Variants in FHIT observed in about 807,000 individuals in gnomAD.
FHIT encodes fragile histidine triad diadenosine triphosphatase.
In FHIT, 19 loss-of-function variants were observed where a neutral mutation model predicts 17.9. That is an observed-to-expected ratio of 1.06 (90% CI 0.74 to 1.56). The LOEUF (loss-of-function observed/expected upper bound fraction) is 1.56. Ranked by LOEUF, FHIT falls within the 40% of genes most tolerant of loss-of-function variation. The pLI, the probability that FHIT is intolerant of heterozygous loss-of-function variation, is 0.00. For synonymous variants in FHIT, 81 were observed against 69.7 expected (o/e 1.16, Z -0.81); for missense variants, 248 against 189.2 (o/e 1.31, Z -1.82).
chr3:60,512,768 G>C (rs2034998735), intron 5 of FHIT, among the ~76,000 whole-genome samples: 1 of 152,066 alleles, frequency 6.6e-6, no homozygotes, highest in Admixed American at 6.5e-5. Context: ...ACAATGAGAT[G>C]GATCAAGATA....
intron 8 of FHIT, among the ~76,000 whole-genome samples, chr3:59,891,669 C>A (rs1703861218): frequency 6.6e-6 from 1 of 152,168 alleles, no homozygotes; most frequent in South Asian, 2.1e-4. Flanking sequence ...CAGCAGCAGG[C>A]ATACATAGGA....
chr3:60,283,351 T>A (rs1707558110), intron 5 of FHIT, among the ~76,000 whole-genome samples: 1 of 152,102 alleles, frequency 6.6e-6, no homozygotes, highest in Non-Finnish European at 1.5e-5. Context: ...CAAAATCATA[T>A]AATATATATT....
intron 5 of FHIT, among the ~76,000 whole-genome samples, chr3:60,049,115 T>C (rs1575975091): frequency 6.6e-6 from 1 of 152,308 alleles, no homozygotes; most frequent in South Asian, 2.1e-4. Flanking sequence ...TTCCCTAATA[T>C]TTTCCTGTAC....
chr3:60,637,541 A>G (rs1553684251), intron 4 of FHIT, among the ~76,000 whole-genome samples: 1 of 152,142 alleles, frequency 6.6e-6, no homozygotes, highest in Non-Finnish European at 1.5e-5. Context: ...TACCATCACT[A>G]CTACCATTAT....
intron 7 of FHIT, among the ~76,000 whole-genome samples, chr3:59,935,276 C>A (rs576717292): frequency 1.3e-5 from 2 of 152,190 alleles, no homozygotes; most frequent in Non-Finnish European, 2.9e-5. Flanking sequence ...TTGTGCTTCT[C>A]AGCTGTTGTT....
rs116632917 is a variant in FHIT at position 60,879,302 on chromosome 3, T to C, written c.-110-57291A>G. ...GTCATTCAGGCATCCACAGTTACTG[T>C]TGACACTGAATGCAGCTGAAGAAAC... is the stretch of plus-strand genomic sequence containing the variant. On this transcript the variant is annotated intron_variant, in intron 3 of 9. Coordinates refer to ENST00000492590, the MANE Select transcript of FHIT (RefSeq NM_002012.4). Among the ~76,000 whole-genome samples the C allele has an allele frequency of 4.3e-3, 655 of 152,260 alleles. 6 individuals are homozygous for C. Among genetic ancestry groups the C allele is most frequent in the African/African-American group, 0.015 (607 of 41,546 alleles).
intron 5 of FHIT, among the ~76,000 whole-genome samples, chr3:60,303,713 G>A (rs1237075020): frequency 6.6e-6 from 1 of 152,162 alleles, no homozygotes; most frequent in Non-Finnish European, 1.5e-5. Context: ...CCTTGGAGGT[G>A]AGCTGTCCTG....
At chr3:59,876,339 T>C (rs1703157993) in intron 8 of FHIT, among the ~76,000 whole-genome samples, 1 of 152,244 alleles carries the variant, frequency 6.6e-6, no homozygotes, top group Admixed American at 6.5e-5. Flanking sequence ...TCTTCTAGTA[T>C]GGATTTTTGG....
At chr3:60,985,696 T>C (rs1559887937) in intron 3 of FHIT, among the ~76,000 whole-genome samples, 1 of 152,246 alleles carries the variant, frequency 6.6e-6, no homozygotes, top group South Asian at 2.1e-4. Context: ...TGGATAAATG[T>C]AAATTATGGC....
At chr3:60,139,483 C>T (rs1699945421) in intron 5 of FHIT, among the ~76,000 whole-genome samples, 2 of 152,150 alleles carry the variant, frequency 1.3e-5, no homozygotes, top group East Asian at 1.9e-4. Flanking sequence ...AAAAGTCTAT[C>T]ACCCCAGCTT....
At chr3:59,847,570 G>A (rs770698215) in intron 8 of FHIT, among the ~76,000 whole-genome samples, 1 of 151,960 alleles carries the variant, frequency 6.6e-6, no homozygotes, top group Non-Finnish European at 1.5e-5. Context: ...TCCATCATTA[G>A]GTCTTTTCAG....
At chr3:59,967,867 T>C (rs680467) in intron 7 of FHIT, among the ~76,000 whole-genome samples, 1 of 152,194 alleles carries the variant, frequency 6.6e-6, no homozygotes, top group Admixed American at 6.6e-5. Flanking sequence ...AAGAAGAAAG[T>C]CTAAGAAACA....
chr3:59,797,189 AT>A (rs201641033), intron 8 of FHIT, among the ~76,000 whole-genome samples: 2,331 of 145,002 alleles, frequency 0.016, 31 homozygotes, highest in African/African-American at 0.031. Context: ...TGATATTACA[AT>A]TTTTTTTTTT....
At chr3:61,182,060 A>G (rs1389104457) in intron 2 of FHIT, among the ~76,000 whole-genome samples, 1 of 152,170 alleles carries the variant, frequency 6.6e-6, no homozygotes, top group Non-Finnish European at 1.5e-5. Flanking sequence ...GGATACTCTG[A>G]AGGGGAAATA....
chr3:60,167,696 G>A (rs1701237776), intron 5 of FHIT, among the ~76,000 whole-genome samples: 1 of 152,190 alleles, frequency 6.6e-6, no homozygotes, highest in Non-Finnish European at 1.5e-5. Context: ...CATGAAAGTG[G>A]AGAATTGCTC....
At chr3:59,832,748 A>G (rs1204449474) in intron 8 of FHIT, among the ~76,000 whole-genome samples, 1 of 152,208 alleles carries the variant, frequency 6.6e-6, no homozygotes, top group Non-Finnish European at 1.5e-5. Context: ...AAATTTTTCA[A>G]TAAGAACTCA....
chr3:59,823,104 A>C (rs951855562), intron 8 of FHIT, among the ~76,000 whole-genome samples: 1 of 152,042 alleles, frequency 6.6e-6, no homozygotes, highest in Non-Finnish European at 1.5e-5. Flanking sequence ...AGATCAATTG[A>C]CTGTAAGTAT....
intron 8 of FHIT, among the ~76,000 whole-genome samples, chr3:59,841,178 G>T (rs570312583): frequency 6.6e-6 from 1 of 152,232 alleles, no homozygotes; most frequent in East Asian, 1.9e-4. Context: ...TCTTGCCTGG[G>T]TTACCTGTCA....
intron 4 of FHIT, among the ~76,000 whole-genome samples, chr3:60,702,467 A>G (rs914106388): frequency 6.6e-6 from 1 of 151,892 alleles, no homozygotes; most frequent in African/African-American, 2.4e-5. Flanking sequence ...TTTTTTCTAT[A>G]TAGGCCTTTT....
Sources: gnomAD v4.1 joint callset for allele counts (sites outside exome capture counted in the v4.1 genomes callset) on GRCh38, gnomAD v4.1.1 for gene constraint, MANE v1.5 for transcripts, NCBI Gene and HGNC (gene_info 2026-07-23, HGNC 2026-07-21) for gene names.